The following HSPG2 variants were observed in gnomAD, a reference collection of about 807,000 sequenced individuals.
HSPG2 encodes the protein basement membrane-specific heparan sulfate proteoglycan core protein.
Under a neutral mutation model 526.6 loss-of-function variants are expected in HSPG2, and 278 were observed. The ratio of observed to expected loss-of-function variants is 0.53; its 90% CI spans 0.48 to 0.58. HSPG2 has a LOEUF of 0.58. Ranked by LOEUF, HSPG2 falls within the 20% of genes least tolerant of loss-of-function variation. The pLI, the probability that HSPG2 is intolerant of heterozygous loss-of-function variation, is 0.00. For synonymous variants in HSPG2, 2,465 were observed against 2,555.4 expected (o/e 0.96, Z 1.07); for missense variants, 5,354 against 6,099.5 (o/e 0.88, Z 4.07).
rs749841200 is a variant in HSPG2 at position 21,878,589 on chromosome 1, C to T, written c.2546G>A (p.Arg849His). 45 of 1,614,032 alleles carry T rather than the reference C, an allele frequency of 2.8e-5. No homozygotes were observed. The highest frequency in any genetic ancestry group is 5.5e-5 in the South Asian group (5 of 91,090). ...CDACAPGYTG[R>H]RCESCAPGYE... ...GGCTCTCCCTCACCTCTCACAGCGG[C>T]GGCCAGTGTAGCCTGGGGCACAGGC... is the stretch of plus-strand genomic sequence containing the variant. The change falls in exon 19 of 97, where the codon CGC becomes CAC. Residue 849 changes from arginine to histidine, a missense_variant. Coordinates refer to ENST00000374695, the MANE Select transcript of HSPG2 (RefSeq NM_005529.7).
At chr1:21,917,717 C>T (rs1278635693) in intron 1 of HSPG2, among the ~76,000 whole-genome samples, 1 of 152,134 alleles carries the variant, frequency 6.6e-6, no homozygotes, top group Non-Finnish European at 1.5e-5. Flanking sequence ...ATGCTGTTCC[C>T]ATGCCCTTCG....
At position 21,851,936 on chromosome 1, in the gene HSPG2, C is replaced by A; in HGVS notation, c.6871-10G>T. The A allele has an allele frequency of 1.2e-6, 2 of 1,602,442 alleles. No individual in the cohort carries two copies. Among genetic ancestry groups the A allele is most frequent in the Non-Finnish European group, 1.7e-6 (2 of 1,174,888 alleles). ...GGCGGGAGCCACGAACCTGGGCAGC[C>A]GTGGGCAGAGGTGTGAGGGGGGCTT... is the stretch of plus-strand genomic sequence containing the variant. On this transcript the variant is annotated splice_polypyrimidine_tract_variant and intron_variant, in intron 53 of 96. Coordinates refer to ENST00000374695, the MANE Select transcript of HSPG2 (RefSeq NM_005529.7).
chr1:21,861,945 C>T, intron 38 of HSPG2, 43 bp downstream of exon 38: 1 of 1,613,928 alleles, frequency 6.2e-7, no homozygotes, highest in South Asian at 1.1e-5. Flanking sequence ...CCACTCATTC[C>T]CCAGTGGAAG....
Position 21,855,248 on chromosome 1 carries a change from G to A in HSPG2, c.5997+56C>T. The A allele has an allele frequency of 1.9e-6, 3 of 1,558,872 alleles. No homozygotes were observed. The South Asian group carries it at 3.5e-5, about 18-fold the overall frequency. On this transcript the variant is annotated intron_variant, in intron 47 of 96. Coordinates refer to ENST00000374695, the MANE Select transcript of HSPG2 (RefSeq NM_005529.7). ...GCGTGAAGGGGGAGGGAAGGTGGCTGGGACTCTCTGCAGAGCCTGTGGGCC... is the reference window on the plus strand; with the variant it reads ...GCGTGAAGGGGGAGGGAAGGTGGCTAGGACTCTCTGCAGAGCCTGTGGGCC...
rs374107246 is a variant in HSPG2, at chr1:21,898,427, C to T, written c.64-2117G>A. On this transcript the variant is annotated intron_variant, in intron 1 of 96. Transcript: ENST00000374695. The surrounding 1 kb of genome is among the most constrained non-coding windows in gnomAD (Gnocchi z 4.0). Reference sequence around the variant, plus strand: ...GGCCTGTGGACTTCTAGGCTGTGCCCGTGGGATGCGCATTCAGGAGTGTGC... The same window carrying T: ...GGCCTGTGGACTTCTAGGCTGTGCCTGTGGGATGCGCATTCAGGAGTGTGC... Among the ~76,000 whole-genome samples the T allele has an allele frequency of 1.5e-3, 222 of 152,320 alleles. 2 individuals carry two copies. The highest frequency in any genetic ancestry group is 4.7e-3 in the African/African-American group (194 of 41,574).
In HSPG2 at chr1:21,848,630, G is replaced by A. The variant is rs775064185; in HGVS notation, c.7737+13C>T. 6.2e-7 allele frequency: 1 copy of A among 1,612,854 alleles called. No homozygotes were observed. Among genetic ancestry groups the A allele is most frequent in the Admixed American group, 1.7e-5 (1 of 60,020 alleles). On this transcript the variant is annotated intron_variant, in intron 59 of 96. Coordinates refer to ENST00000374695, the MANE Select transcript of HSPG2 (RefSeq NM_005529.7). This position sits in a 1 kb window ranked among gnomAD's most constrained non-coding sequence, Gnocchi z 4.9. ...TGCCCTGCTTTTGCCCTCCCCACCT[G>A]CTGGCCCTGTACCTGGTGCCGGCTG...
intron 1 of HSPG2, among the ~76,000 whole-genome samples, chr1:21,902,076 C>A (rs886491641): frequency 1.3e-5 from 2 of 152,206 alleles, no homozygotes; most frequent in African/African-American, 2.4e-5. Context: ...CCACCCAGTG[C>A]CCTGTCCACA....
Position 21,850,823 on chromosome 1 carries a change from C to A in HSPG2, c.7159-325G>T, listed in dbSNP as rs12725566. The stretch of plus-strand genomic sequence containing the variant: ...GTACATAAAATCATAGCGGATCTCG[C>A]AATCAGTGGTATCCTAAATTCTACA... On this transcript the variant is annotated intron_variant, in intron 55 of 96. Coordinates refer to ENST00000374695, the MANE Select transcript of HSPG2 (RefSeq NM_005529.7). Among the ~76,000 whole-genome samples the A allele has an allele frequency of 0.041, 6,176 of 152,262 alleles. 180 individuals are homozygous for A. Among genetic ancestry groups the A allele is most frequent in the South Asian group, 0.11 (512 of 4,826 alleles).
chr1:21,825,695 G>A (rs1228816293), intron 91 of HSPG2, among the ~76,000 whole-genome samples: 1 of 152,168 alleles, frequency 6.6e-6, no homozygotes, highest in Non-Finnish European at 1.5e-5. Context: ...TGGCTGTGCG[G>A]GGAGCGTCCC....
rs575223459 is a variant in HSPG2 at position 21,891,435 on chromosome 1, C to T, written c.245-741G>A. Among the ~76,000 whole-genome samples, 20 of 152,292 alleles carry T rather than the reference C, an allele frequency of 1.3e-4. No homozygotes were observed. In the South Asian group the frequency reaches 1.9e-3, roughly 14 times the overall value. On this transcript the variant is annotated intron_variant, in intron 3 of 96. Transcript: ENST00000374695. ...GGCACACAGCAAACCGCCCAAGAATCGAAGCTGCTGTGGTCCTCTCTCCAC... is the reference window on the plus strand; with the variant it reads ...GGCACACAGCAAACCGCCCAAGAATTGAAGCTGCTGTGGTCCTCTCTCCAC...
chr1:21,850,348 C>A lies in HSPG2; in HGVS notation c.7294+15G>T. The A allele has an allele frequency of 6.2e-7, 1 of 1,604,264 alleles. No homozygotes were observed. The highest frequency in any genetic ancestry group is 8.5e-7 in the Non-Finnish European group (1 of 1,175,942). ...CCCTGGGTCCCCAGCCCTGCCCTCC[C>A]TGAGAGCTACTCACCAGGCACTGAG... On this transcript the variant is annotated intron_variant, in intron 56 of 96. Transcript: ENST00000374695.
chr1:21,930,367 G>C (rs1289327422), intron 1 of HSPG2, among the ~76,000 whole-genome samples: 1 of 152,136 alleles, frequency 6.6e-6, no homozygotes, highest in Non-Finnish European at 1.5e-5. Flanking sequence ...TTTCTTCTGA[G>C]CACTTATCAC....
Position 21,859,969 on chromosome 1 carries a change from G to C in HSPG2, c.5048C>G (p.Pro1683Arg). ...NQAPLVVEVH[P>R]ARSIVPQGGS... is the part of the protein sequence containing the mutation. Reference sequence around the variant, plus strand: ...ACCTTGGGGCACTATGCTTCGAGCAGGATGGACCTCGACCACCAGTGGGGC... The same window carrying C: ...ACCTTGGGGCACTATGCTTCGAGCACGATGGACCTCGACCACCAGTGGGGC... Residue 1683 changes from proline (P) to arginine (R), a missense_variant, in exon 41 of 97, where the codon CCT (proline) becomes CGT (arginine). Coordinates refer to ENST00000374695, the MANE Select transcript of HSPG2 (RefSeq NM_005529.7). This position sits in a 1 kb window ranked among gnomAD's most constrained non-coding sequence, Gnocchi z 5.3. The C allele has an allele frequency of 6.2e-7, 1 of 1,611,028 alleles. No homozygotes were observed.
chr1:21,913,281 T>C (rs2445131), intron 1 of HSPG2, among the ~76,000 whole-genome samples: 72,368 of 151,972 alleles, frequency 0.48, 19,505 homozygotes, highest in Middle Eastern at 0.63. Flanking sequence ...TCTCAACCTC[T>C]GGCACCCAGA....
chr1:21,878,286 T>A (rs867486114), intron 20 of HSPG2, 33 bp from the exon 21 acceptor site: 1 of 1,609,864 alleles, frequency 6.2e-7, no homozygotes, highest in South Asian at 1.1e-5. Context: ...GCAGGGCAGG[T>A]GGGAATGGGA....
At position 21,875,704 on chromosome 1, in the gene HSPG2, T is replaced by C. The variant is rs1014150045; in HGVS notation, c.3227A>G (p.His1076Arg). The change falls in exon 25 of 97, where the codon CAC (histidine) becomes CGC (arginine). Residue 1076 changes from histidine to arginine, a missense_variant. Transcript: ENST00000374695. ...GATGCCTGCCAGTGCCATCAGCAGGTGCTCCCGTGTGGCTGGCTGCCCATC... is the reference window on the plus strand; with the variant it reads ...GATGCCTGCCAGTGCCATCAGCAGGCGCTCCCGTGTGGCTGGCTGCCCATC... ...RPDGQPATRE[H>R]LLMALAGIDT... 6.2e-7 allele frequency: 1 copy of C among 1,604,590 alleles called. No individual in the cohort carries two copies. The highest frequency in any genetic ancestry group is 1.3e-5 in the African/African-American group (1 of 74,914).
chr1:21,853,739 A>ACTCT (rs1340956501), intron 50 of HSPG2: 1 of 174,684 alleles, frequency 5.7e-6, no homozygotes, highest in Non-Finnish European at 1.2e-5. Flanking sequence ...ACAGAGCGAG[A>ACTCT]CTCTCTCTCA....
rs547448573 is a variant in HSPG2, at chr1:21,876,651, T to C, written c.2687A>G (p.Asn896Ser). Residue 896 changes from asparagine (N) to serine (S), a missense_variant and splice_region_variant, in exon 22 of 97, where the codon AAC (asparagine) becomes AGC (serine). By Grantham distance (46) the Asn-to-Ser change is conservative. Coordinates refer to ENST00000374695, the MANE Select transcript of HSPG2 (RefSeq NM_005529.7). ...ATTGCACAAGCGCCCCACCACATTG[T>C]TCTGCAGGCACAGAGTTGGAGCTGA... ...GTSGEACRCK[N>S]NVVGRLCNEC... 3 of 1,614,202 alleles carry C rather than the reference T, an allele frequency of 1.9e-6. No individual in the cohort carries two copies. The highest frequency in any genetic ancestry group is 1.3e-5 in the African/African-American group (1 of 75,044).
Position 21,884,884 on chromosome 1 carries a change from G to C in HSPG2, c.1390C>G (p.Leu464Val), listed in dbSNP as rs1308359399. The stretch of plus-strand genomic sequence containing the variant: ...GACTCCTTCACATCACGGATGATCA[G>C]TGTGCCACGGCCACCCTCGCTGGTC... ...TVTSEGGRGT[L>V]IIRDVKESDQ... Residue 464 changes from leucine to valine, a missense_variant, in exon 12 of 97, where the codon CTG becomes GTG. Transcript: ENST00000374695. 6.2e-6 allele frequency: 10 copies of C among 1,614,016 alleles called. No individual in the cohort carries two copies. Among genetic ancestry groups the C allele is most frequent in the Non-Finnish European group, 8.5e-6 (10 of 1,180,028 alleles).
Sources: allele counts gnomAD v4.1 joint callset (sites outside exome capture counted in the v4.1 genomes callset), GRCh38; gene constraint gnomAD v4.1.1; non-coding constraint Gnocchi (gnomAD v3.1); transcripts MANE v1.5; gene names NCBI Gene and HGNC (gene_info 2026-07-23, HGNC 2026-07-21).